CTNNA2: variants seen among roughly 807,000 people sequenced by gnomAD.
CTNNA2 encodes catenin alpha-2.
CTNNA2 carries 42 observed loss-of-function variants against 101.0 expected under a neutral mutation model. That is an observed-to-expected ratio of 0.42 (90% CI 0.32 to 0.54). CTNNA2 has a LOEUF of 0.54. CTNNA2 is among the 20% of genes least tolerant of loss of function. The probability of loss-of-function intolerance (pLI) is 0.14; values close to 1 mark genes in which losing one functional copy is unlikely to be tolerated. For missense variants in CTNNA2, 871 were observed against 1,223.1 expected (o/e 0.71, Z 4.29); for synonymous variants, 450 against 456.4 (o/e 0.99, Z 0.18).
At chr2:80,573,386 C>G (rs920401706) in intron 12 of CTNNA2, 1 of 152,142 alleles carries the variant, frequency 6.6e-6, no homozygotes, top group East Asian at 1.9e-4. Context: ...TATACGTATG[C>G]TCTTTCACAT....
intron 9 of CTNNA2, among the ~76,000 whole-genome samples, chr2:80,521,659 A>G (rs1689561824): frequency 6.6e-6 from 1 of 152,156 alleles, no homozygotes. Flanking sequence ...GCTAGGAGCC[A>G]ATGGGGGCAG....
chr2:80,494,740 T>TACAGAAAAGCTAGA (rs375508158), intron 9 of CTNNA2, among the ~76,000 whole-genome samples: 1 of 152,012 alleles, frequency 6.6e-6, no homozygotes, highest in African/African-American at 2.4e-5. Context: ...AAAGATAATT[T>TACAGAAAAGCTAGA]CTAATAAAAG....
chr2:80,058,791 C>T (rs1397016472), intron 7 of CTNNA2, among the ~76,000 whole-genome samples: 3 of 152,132 alleles, frequency 2.0e-5, no homozygotes, highest in Non-Finnish European at 2.9e-5. Flanking sequence ...CCCAGACCCC[C>T]TGCTAAGCAC....
chr2:79,311,538 A>G (rs1676374126), intron 2 of CTNNA2, among the ~76,000 whole-genome samples: 1 of 151,746 alleles, frequency 6.6e-6, no homozygotes, highest in African/African-American at 2.4e-5. Context: ...ATGTCCACTC[A>G]CTGTACTTAA....
At position 80,487,051 on chromosome 2, in the gene CTNNA2, C is replaced by T. The variant is rs985685598; in HGVS notation, c.1291-57931C>T. Among the ~76,000 whole-genome samples, 5 of 151,982 alleles carry T rather than the reference C, an allele frequency of 3.3e-5. No individual in the cohort carries two copies. The East Asian group carries it at 5.8e-4, about 18-fold the overall frequency. On this transcript the variant is annotated intron_variant, in intron 9 of 18. Transcript: ENST00000402739. Reference sequence around the variant, plus strand: ...CTGTAATCCCAGCACTTTGGGAGGTCGAGGCGGGTGGATCAGGAGGTCAGG... The same window carrying T: ...CTGTAATCCCAGCACTTTGGGAGGTTGAGGCGGGTGGATCAGGAGGTCAGG...
intron 2 of CTNNA2, among the ~76,000 whole-genome samples, chr2:79,295,547 CT>C (rs1462897910): frequency 6.6e-6 from 1 of 150,924 alleles, no homozygotes; most frequent in Non-Finnish European, 1.5e-5. Flanking sequence ...CACCCTCTCC[CT>C]TCTTCCCTCA....
At chr2:80,640,818 G>T (rs1673390832) in intron 18 of CTNNA2, among the ~76,000 whole-genome samples, 1 of 148,792 alleles carries the variant, frequency 6.7e-6, no homozygotes, top group Non-Finnish European at 1.5e-5. Flanking sequence ...GGAGATAACA[G>T]TTTAAATATA....
intron 7 of CTNNA2, among the ~76,000 whole-genome samples, chr2:80,318,624 A>G (rs1180722742): frequency 1.3e-5 from 2 of 152,206 alleles, no homozygotes; most frequent in Non-Finnish European, 2.9e-5. Flanking sequence ...TGCAATACAA[A>G]ACTTGTTTCA....
chr2:80,081,253 C>A (rs1248057857), intron 7 of CTNNA2, among the ~76,000 whole-genome samples: 1 of 152,094 alleles, frequency 6.6e-6, no homozygotes, highest in Admixed American at 6.6e-5. Flanking sequence ...CTTAGAGATG[C>A]TCCCCTATTC....
intron 7 of CTNNA2, among the ~76,000 whole-genome samples, chr2:80,379,879 C>A (rs1245917865): frequency 1.3e-5 from 2 of 152,226 alleles, no homozygotes; most frequent in Non-Finnish European, 2.9e-5. Context: ...AGCCTATGGA[C>A]TATTGAGTCT....
At chr2:80,555,460 C>T (rs577266903) in intron 11 of CTNNA2, among the ~76,000 whole-genome samples, 222 of 152,354 alleles carry the variant, frequency 1.5e-3, no homozygotes, top group Non-Finnish European at 2.4e-3. Flanking sequence ...GAATTGGAAA[C>T]TCTAGGAGTG....
intron 2 of CTNNA2, among the ~76,000 whole-genome samples, chr2:79,230,557 A>G (rs1418845143): frequency 6.6e-6 from 1 of 152,256 alleles, no homozygotes; most frequent in East Asian, 1.9e-4. Context: ...AACTTCTGCT[A>G]TGGCAGTGCG....
In CTNNA2 at chr2:80,302,408, T is replaced by G. The variant is rs554364697; in HGVS notation, c.1057-90803T>G. 197 of 1,614,258 alleles carry G rather than the reference T, an allele frequency of 1.2e-4. 1 individual carries two copies. The South Asian group carries it at 1.6e-3, about 13-fold the overall frequency. ...CTGATGCATGGTCTGTTTCTGCTTT[T>G]GCTTCCTGCGCTGCGTGACAAAGCA... On this transcript the variant is annotated intron_variant, in intron 7 of 18. Transcript: ENST00000402739. This position sits in a 1 kb window ranked among gnomAD's most constrained non-coding sequence, Gnocchi z 6.4.
At chr2:80,459,649 A>G (rs1321968237) in intron 9 of CTNNA2, among the ~76,000 whole-genome samples, 1 of 152,032 alleles carries the variant, frequency 6.6e-6, no homozygotes, top group East Asian at 1.9e-4. Context: ...CCTGGAACAT[A>G]CCAATCTGTC....
Position 80,352,739 on chromosome 2 carries a change from G to A in CTNNA2, c.1057-40472G>A, listed in dbSNP as rs370997965. Among the ~76,000 whole-genome samples, 719 of 152,174 alleles carry A rather than the reference G, an allele frequency of 4.7e-3. 7 individuals are homozygous for A. The highest frequency in any genetic ancestry group is 0.017 in the African/African-American group (688 of 41,538). On this transcript the variant is annotated intron_variant, in intron 7 of 18. Transcript: ENST00000402739. ...ATGAGTACTATAAAAGATCTGAGGA[G>A]AACTATGTGCTTCATCTAATTAAGC...
At chr2:79,897,380 T>A (rs1221401638) in intron 6 of CTNNA2, among the ~76,000 whole-genome samples, 2 of 150,692 alleles carry the variant, frequency 1.3e-5, no homozygotes, top group African/African-American at 2.4e-5. Flanking sequence ...AAATGGGAGA[T>A]GATCATGACT....
At chr2:80,204,677 G>C (rs527713632) in intron 7 of CTNNA2, among the ~76,000 whole-genome samples, 2 of 152,170 alleles carry the variant, frequency 1.3e-5, no homozygotes, top group South Asian at 2.1e-4. Context: ...CCTCCAAACT[G>C]TTCCAACTTC....
At chr2:79,513,995 T>G (rs1307448953) in intron 1 of CTNNA2, among the ~76,000 whole-genome samples, 1 of 152,158 alleles carries the variant, frequency 6.6e-6, no homozygotes, top group Non-Finnish European at 1.5e-5. Context: ...CCCCTAGGCC[T>G]CTTTGGTTTG....
intron 7 of CTNNA2, among the ~76,000 whole-genome samples, chr2:80,233,731 G>A (rs1709387578): frequency 6.6e-6 from 1 of 152,140 alleles, no homozygotes. Context: ...TATCTGCACA[G>A]CAAAATATCA....
Sources: allele counts gnomAD v4.1 joint callset (sites outside exome capture counted in the v4.1 genomes callset), GRCh38; gene constraint gnomAD v4.1.1; non-coding constraint Gnocchi (gnomAD v3.1); transcripts MANE v1.5; gene names NCBI Gene and HGNC (gene_info 2026-07-23, HGNC 2026-07-21).